Variants in EPHB3 observed in about 807,000 individuals in gnomAD.
The protein encoded by EPHB3 is EPH receptor B3.
A neutral mutation model predicts 100.2 loss-of-function variants in EPHB3; 33 were observed. That is an observed-to-expected ratio of 0.33 (90% CI 0.25 to 0.44). The LOEUF is 0.44. Ranked by LOEUF, EPHB3 falls within the 20% of genes least tolerant of loss-of-function variation. The pLI, the probability that EPHB3 is intolerant of heterozygous loss-of-function variation, is 1.00. For synonymous variants in EPHB3, 526 were observed against 554.7 expected (o/e 0.95, Z 0.73); for missense variants, 1,045 against 1,378.3 (o/e 0.76, Z 3.83).
Position 184,571,477 on chromosome 3 carries a change from G to T in EPHB3, c.183+95G>T, listed in dbSNP as rs1714538334. ...CCCCCTCATCTCACCAGGGCCTGGA[G>T]GAGGGCTGCCTCTGCCCTCTGCCTG... On this transcript the variant is annotated intron_variant, in intron 2 of 15. Transcript: ENST00000330394. This position sits in a 1 kb window ranked among gnomAD's most constrained non-coding sequence, Gnocchi z 5.0. The T allele has an allele frequency of 1.5e-6, 2 of 1,367,560 alleles. No homozygotes were observed. The highest frequency in any genetic ancestry group is 2.3e-5 in the East Asian group (1 of 42,714). The allele number at this position is 1,367,560 out of a possible 1,614,324, so 84.7% of individuals were successfully genotyped here.
rs1314119909 is a variant in EPHB3 at position 184,571,257 on chromosome 3, A to G, written c.119-61A>G. The G allele has an allele frequency of 3.8e-6, 6 of 1,580,514 alleles. No individual in the cohort carries two copies. The Admixed American group carries it at 1.0e-4, about 26-fold the overall frequency. The stretch of plus-strand genomic sequence containing the variant: ...GTGTGAGCCACTTCGCTCATCTGTG[A>G]TCTCTTCTGTCTCCTCAACCTGAGA... On this transcript the variant is annotated intron_variant, in intron 1 of 15. Transcript: ENST00000330394. The surrounding 1 kb of genome is among the most constrained non-coding windows in gnomAD (Gnocchi z 5.0).
At position 184,571,211 on chromosome 3, in the gene EPHB3, C is replaced by T. The variant is rs1714531099; in HGVS notation, c.119-107C>T. 5.3e-6 allele frequency: 6 copies of T among 1,122,020 alleles called. No homozygotes were observed. The highest frequency in any genetic ancestry group is 8.0e-6 in the Non-Finnish European group (6 of 745,724). 69.5% of individuals were successfully genotyped at this position (1,122,020 alleles called of 1,614,324 possible). The stretch of plus-strand genomic sequence containing the variant: ...TCAAGTGATCCACCTGCCTCAGACT[C>T]CCAAAGTGCTGGGATTACAGGTGTG... On this transcript the variant is annotated intron_variant, in intron 1 of 15. Transcript: ENST00000330394. This position sits in a 1 kb window ranked among gnomAD's most constrained non-coding sequence, Gnocchi z 5.0.
rs559050498 is a variant in EPHB3, at chr3:184,571,205, C to G, written c.119-113C>G. On this transcript the variant is annotated intron_variant, in intron 1 of 15. Transcript: ENST00000330394. This position sits in a 1 kb window ranked among gnomAD's most constrained non-coding sequence, Gnocchi z 5.0. ...CTGACCTCAAGTGATCCACCTGCCT[C>G]AGACTCCCAAAGTGCTGGGATTACA... The G allele has an allele frequency of 4.0e-6, 4 of 1,011,374 alleles. No individual in the cohort carries two copies. In the African/African-American group the frequency reaches 6.3e-5, roughly 16 times the overall value. 62.7% of individuals were successfully genotyped at this position (1,011,374 alleles called of 1,614,324 possible).
chr3:184,577,870 C>T lies in EPHB3; in HGVS notation c.1640-28C>T, dbSNP rs1367062763. ...TCGCGGCCCTCACTCTCTGTCCCTCCACTCAGCAGCCCCTTCTCTATCTCC... is the reference window on the plus strand; with the variant it reads ...TCGCGGCCCTCACTCTCTGTCCCTCTACTCAGCAGCCCCTTCTCTATCTCC... On this transcript the variant is annotated intron_variant, in intron 7 of 15. Transcript: ENST00000330394. This position sits in a 1 kb window ranked among gnomAD's most constrained non-coding sequence, Gnocchi z 4.9. 6.2e-7 allele frequency: 1 copy of T among 1,610,544 alleles called. No homozygotes were observed.
rs1033222904 is a variant in EPHB3, at chr3:184,562,148, C to G, written c.-88C>G. On this transcript the variant is annotated 5_prime_UTR_variant, in exon 1 of 16. Transcript: ENST00000330394. The surrounding 1 kb of genome is among the most constrained non-coding windows in gnomAD (Gnocchi z 4.8). ...GACGCGAGCCTGCCCCGGAGCCCGC[C>G]GAGCGCACCCTCTCTCGGGTGCCTG... is the stretch of plus-strand genomic sequence containing the variant. 8 of 195,064 alleles carry G rather than the reference C, an allele frequency of 4.1e-5. No individual in the cohort carries two copies. The highest frequency in any genetic ancestry group is 6.2e-5 in the Admixed American group (1 of 16,144). The allele number at this position is 195,064 out of a possible 1,614,324, so 12.1% of individuals were successfully genotyped here. A position where few individuals can be genotyped will look rare whatever the true frequency, so the allele number is the denominator to read the frequency against.
Position 184,577,221 on chromosome 3 carries a change from T to G in EPHB3, c.1354+38T>G, listed in dbSNP as rs753769374. The G allele has an allele frequency of 6.4e-7, 1 of 1,570,584 alleles. No homozygotes were observed. The highest frequency in any genetic ancestry group is 8.7e-7 in the Non-Finnish European group (1 of 1,155,506). On this transcript the variant is annotated intron_variant, in intron 5 of 15. Transcript: ENST00000330394. The surrounding 1 kb of genome is among the most constrained non-coding windows in gnomAD (Gnocchi z 4.9). Reference sequence around the variant, plus strand: ...CACTGGAGGGTAGGGCCTGGGTCACTTTCTCCTGGATGAGGTGTCCCAGGA... The same window carrying G: ...CACTGGAGGGTAGGGCCTGGGTCACGTTCTCCTGGATGAGGTGTCCCAGGA...
At position 184,579,946 on chromosome 3, in the gene EPHB3, C is replaced by G. The variant is rs779966141; in HGVS notation, c.2172+12C>G. On this transcript the variant is annotated intron_variant, in intron 11 of 15. Transcript: ENST00000330394. This position sits in a 1 kb window ranked among gnomAD's most constrained non-coding sequence, Gnocchi z 5.2. ...ACTCCTTCCTCCGGGTAAGAGCCAG[C>G]CCCCAGGCCCTCTCCCTCCCCCAGA... is the stretch of plus-strand genomic sequence containing the variant. 2 of 1,608,336 alleles carry G rather than the reference C, an allele frequency of 1.2e-6. No homozygotes were observed. The highest frequency in any genetic ancestry group is 1.7e-6 in the Non-Finnish European group (2 of 1,177,256).
Position 184,571,105 on chromosome 3 carries a change from G to A in EPHB3, c.119-213G>A, listed in dbSNP as rs62287432. On this transcript the variant is annotated intron_variant, in intron 1 of 15. Transcript: ENST00000330394. The surrounding 1 kb of genome is among the most constrained non-coding windows in gnomAD (Gnocchi z 5.0). Reference sequence around the variant, plus strand: ...CGAGTAGCTGGGATTACAGGCGTGCGCCACCAGCCTGGCTAATTTTGTATT... The same window carrying A: ...CGAGTAGCTGGGATTACAGGCGTGCACCACCAGCCTGGCTAATTTTGTATT... 0.037 allele frequency among the ~76,000 whole-genome samples: 5,661 copies of A among 152,000 alleles called. 160 individuals carry two copies. Among genetic ancestry groups the A allele is most frequent in the Non-Finnish European group, 0.058 (3,945 of 67,950 alleles).
In EPHB3 at chr3:184,576,917, G is replaced by C. The variant is rs781759967; in HGVS notation, c.1088G>C (p.Arg363Pro). 1 of 1,596,514 alleles carries C rather than the reference G, an allele frequency of 6.3e-7. No individual in the cohort carries two copies. The highest frequency in any genetic ancestry group is 1.1e-5 in the South Asian group (1 of 89,032). The change falls in exon 5 of 16, where the codon CGG becomes CCG. Residue 363 changes from arginine (R) to proline (P), a missense_variant. Around this residue, in one of 2 missense-constraint regions of EPHB3, gnomAD observed 985 missense variants for 1,331.1 expected, o/e 0.74. Transcript: ENST00000330394. Reference protein sequence around the residue: ...TSLILEWSEPRDLGGRDDLLY... With the variant: ...TSLILEWSEPPDLGGRDDLLY... ...CTGATCCTCGAGTGGAGTGAGCCCC[G>C]GGACCTGGGTGGCCGGGATGACCTC...
At chr3:184,574,788 C>T (rs148129274) in intron 3 of EPHB3, among the ~76,000 whole-genome samples, 28 of 152,310 alleles carry the variant, frequency 1.8e-4, no homozygotes, top group African/African-American at 6.3e-4. Context: ...TCTGCAGGTC[C>T]CCGGCAGGAA....
chr3:184,572,866 G>A lies in EPHB3; in HGVS notation c.546G>A (p.Gly182=), dbSNP rs1714575450. 1.3e-6 allele frequency: 2 copies of A among 1,562,810 alleles called. No homozygotes were observed. Among genetic ancestry groups the A allele is most frequent in the Non-Finnish European group, 1.7e-6 (2 of 1,154,634 alleles). The change falls in exon 3 of 16, where the codon GGG becomes GGA. Residue 182 remains glycine (G), a synonymous_variant. Transcript: ENST00000330394. This position sits in a 1 kb window ranked among gnomAD's most constrained non-coding sequence, Gnocchi z 6.6. ...GRVNTKVRSF[G]PLSKAGFYLA... ...TCAACACCAAGGTGCGCAGCTTTGG[G>A]CCACTTTCCAAGGCTGGCTTCTACC...
rs529251146 is a variant in EPHB3 at position 184,569,207 on chromosome 3, C to CGGCGGGAGGACT, written c.119-2107_119-2096dup. ...CCGGCGGGCGGACCGGCGGGCGGAC[C>CGGCGGGAGGACT]GGCGGGAGGACTGGCTGCGGGGGCA... On this transcript the variant is annotated intron_variant, in intron 1 of 15. Coordinates refer to ENST00000330394, the MANE Select transcript of EPHB3 (RefSeq NM_004443.4). This position sits in a 1 kb window ranked among gnomAD's most constrained non-coding sequence, Gnocchi z 5.4. Among the ~76,000 whole-genome samples, 488 of 151,542 alleles carry CGGCGGGAGGACT rather than the reference C, an allele frequency of 3.2e-3. 3 individuals carry two copies. Among genetic ancestry groups the CGGCGGGAGGACT allele is most frequent in the African/African-American group, 0.011 (467 of 41,392 alleles).
chr3:184,577,854 T>C lies in EPHB3; in HGVS notation c.1639+37T>C. 6.2e-7 allele frequency: 1 copy of C among 1,606,250 alleles called. No homozygotes were observed. ...CCTGCGCCTGTCCCCATCGCGGCCC[T>C]CACTCTCTGTCCCTCCACTCAGCAG... On this transcript the variant is annotated intron_variant, in intron 7 of 15. Transcript: ENST00000330394. This position sits in a 1 kb window ranked among gnomAD's most constrained non-coding sequence, Gnocchi z 4.9.
At position 184,572,379 on chromosome 3, in the gene EPHB3, T is replaced by C; in HGVS notation, c.184-125T>C. ...AGCTGGAATTTGAGCCCATATAGCC[T>C]GTATGCTCAGCCACTGCACACCATA... is the stretch of plus-strand genomic sequence containing the variant. On this transcript the variant is annotated intron_variant, in intron 2 of 15. Coordinates refer to ENST00000330394, the MANE Select transcript of EPHB3 (RefSeq NM_004443.4). This position sits in a 1 kb window ranked among gnomAD's most constrained non-coding sequence, Gnocchi z 6.6. 5 of 1,118,654 alleles carry C rather than the reference T, an allele frequency of 4.5e-6. No homozygotes were observed. Among genetic ancestry groups the C allele is most frequent in the Non-Finnish European group, 5.9e-6 (5 of 842,522 alleles). The allele number at this position is 1,118,654 out of a possible 1,614,324, so 69.3% of individuals were successfully genotyped here. A position where few individuals can be genotyped will look rare whatever the true frequency, so the allele number is the denominator to read the frequency against.
rs151235522 is a variant in EPHB3 at position 184,578,220 on chromosome 3, C to A, written c.1749-194C>A. ...ATACCCCATTCCCTGAATCTCCGGG[C>A]AGGTTCCCTAGGGACTGAGTCCACT... On this transcript the variant is annotated intron_variant, in intron 8 of 15. Coordinates refer to ENST00000330394, the MANE Select transcript of EPHB3 (RefSeq NM_004443.4). This position sits in a 1 kb window ranked among gnomAD's most constrained non-coding sequence, Gnocchi z 4.7. 6 of 892,620 alleles carry A rather than the reference C, an allele frequency of 6.7e-6. No individual in the cohort carries two copies. The East Asian group carries it at 1.3e-4, about 20-fold the overall frequency. 55.3% of individuals were successfully genotyped at this position (892,620 alleles called of 1,614,324 possible). A position where few individuals can be genotyped will look rare whatever the true frequency, so the allele number is the denominator to read the frequency against.
In EPHB3 at chr3:184,578,077, C is replaced by T. The variant is rs1481707893; in HGVS notation, c.1748+71C>T. ...CTTTAGCATCCTAGAGCCCTCATGC[C>T]ACAGAGATGAGCCGCCACCACTTCC... is the stretch of plus-strand genomic sequence containing the variant. On this transcript the variant is annotated intron_variant, in intron 8 of 15. Coordinates refer to ENST00000330394, the MANE Select transcript of EPHB3 (RefSeq NM_004443.4). The surrounding 1 kb of genome is among the most constrained non-coding windows in gnomAD (Gnocchi z 4.7). 1 of 1,524,242 alleles carries T rather than the reference C, an allele frequency of 6.6e-7. No individual in the cohort carries two copies. Among genetic ancestry groups the T allele is most frequent in the Admixed American group, 1.8e-5 (1 of 54,820 alleles). The allele number at this position is 1,524,242 out of a possible 1,614,324, so 94.4% of individuals were successfully genotyped here. A position where few individuals can be genotyped will look rare whatever the true frequency, so the allele number is the denominator to read the frequency against.
chr3:184,576,637 T>C (rs1337988379), intron 4 of EPHB3, among the ~76,000 whole-genome samples: 2 of 152,184 alleles, frequency 1.3e-5, no homozygotes, highest in Non-Finnish European at 2.9e-5. Context: ...AAGGAAGGCT[T>C]CCAAAAGGAA....
chr3:184,574,090 T>C (rs991791708), intron 3 of EPHB3, among the ~76,000 whole-genome samples: 4 of 152,194 alleles, frequency 2.6e-5, no homozygotes, highest in Non-Finnish European at 4.4e-5. Context: ...GGTTCCTTCA[T>C]AGGGCTGTAG....
Position 184,580,524 on chromosome 3 carries a change from T to C in EPHB3, c.2295T>C (p.Leu765=), listed in dbSNP as rs1468524418. Residue 765 remains leucine, a synonymous_variant, in exon 12 of 16, where the codon CTT becomes CTC. Transcript: ENST00000330394. ...VHRDLAARNI[L]VNSNLVCKVS... is the part of the protein sequence containing the mutation. ...GCGACCTGGCTGCTCGCAACATCCT[T>C]GTCAACAGCAACCTGGTCTGCAAAG... The C allele has an allele frequency of 6.2e-7, 1 of 1,614,190 alleles. No individual in the cohort carries two copies. The highest frequency in any genetic ancestry group is 1.3e-5 in the African/African-American group (1 of 75,048).
Sources: allele counts gnomAD v4.1 joint callset (sites outside exome capture counted in the v4.1 genomes callset), GRCh38; gene constraint gnomAD v4.1.1; regional missense constraint gnomAD v4.1.1; non-coding constraint Gnocchi (gnomAD v3.1); transcripts MANE v1.5; gene names NCBI Gene and HGNC (gene_info 2026-07-23, HGNC 2026-07-21).